The following LRRC23 variants were observed in gnomAD, a reference collection of about 807,000 sequenced individuals.
LRRC23 encodes leucine-rich repeat-containing protein 23.
Under a neutral mutation model 37.7 loss-of-function variants are expected in LRRC23, and 28 were observed. The observed-to-expected ratio is 0.74, with a 90% CI of 0.55 to 1.02. The LOEUF is 1.02. LRRC23 is among the 50% of genes least tolerant of loss of function. The probability of loss-of-function intolerance (pLI) is 0.00; values close to 1 mark genes in which losing one functional copy is unlikely to be tolerated. For missense variants in LRRC23, 377 were observed against 413.2 expected (o/e 0.91, Z 0.76); for synonymous variants, 161 against 165.4 (o/e 0.97, Z 0.20).
At chr12:6,912,090 A>C (rs782349227) in intron 6 of LRRC23, among the ~76,000 whole-genome samples, 1 of 152,302 alleles carries the variant, frequency 6.6e-6, no homozygotes, top group South Asian at 2.1e-4. Context: ...GCTCCAACCC[A>C]TCCATAGCCT....
chr12:6,907,255 C>T, intron 4 of LRRC23, 60 bp from the exon 5 acceptor site: 2 of 1,594,802 alleles, frequency 1.3e-6, no homozygotes, highest in Middle Eastern at 2.1e-4. Context: ...TCCCCAAATT[C>T]AGGCTCTAAT....
intron 5 of LRRC23, among the ~76,000 whole-genome samples, chr12:6,908,824 A>G (rs1182905134): frequency 2.0e-5 from 1 of 50,050 alleles, no homozygotes; most frequent in Non-Finnish European, 3.1e-5. Flanking sequence ...ACTCTGTTTC[A>G]AAAAAAAAAA....
rs782578940 is a variant in LRRC23 at position 6,913,306 on chromosome 12, G to C, written c.*24+279G>C. 6.3e-4 allele frequency: 262 copies of C among 414,446 alleles called. 1 individual carries two copies. The highest frequency in any genetic ancestry group is 3.2e-3 in the Admixed American group (81 of 25,530). 25.7% of individuals were successfully genotyped at this position (414,446 alleles called of 1,614,324 possible). On this transcript the variant is annotated intron_variant, in intron 7 of 7. Transcript: ENST00000443597. Reference sequence around the variant, plus strand: ...GGGTGGGGCAGCCATACCTGACACAGAGTGAAGTCGGCTAGGAAAGGACAG... The same window carrying C: ...GGGTGGGGCAGCCATACCTGACACACAGTGAAGTCGGCTAGGAAAGGACAG...
chr12:6,906,840 C>A, intron 4 of LRRC23, 178 bp downstream of exon 4: 1 of 687,908 alleles, frequency 1.5e-6, no homozygotes, highest in Non-Finnish European at 2.4e-6. Context: ...TCCAATAAGA[C>A]AAGGAACGTC....
chr12:6,905,894 T>C lies in LRRC23; in HGVS notation c.176T>C (p.Leu59Pro). The C allele has an allele frequency of 6.2e-7, 1 of 1,614,080 alleles. No homozygotes were observed. The highest frequency in any genetic ancestry group is 8.5e-7 in the Non-Finnish European group (1 of 1,180,000). Reference protein sequence around the residue: ...TEDMMKEGLSLLCKTGNGLAH... With the variant: ...TEDMMKEGLSPLCKTGNGLAH... ...GACATGATGAAGGAAGGGCTTTCTC[T>C]GCTCTGTAAGACAGGCAATGGGCTG... The change falls in exon 3 of 8, where the codon CTG (leucine) becomes CCG (proline). Residue 59 changes from leucine (L) to proline (P), a missense_variant. Leu to Pro is a moderately conservative substitution (Grantham distance 98). Coordinates refer to ENST00000443597, the MANE Select transcript of LRRC23 (RefSeq NM_001135217.2).
At chr12:6,911,202 G>A (rs981724533) in intron 6 of LRRC23, among the ~76,000 whole-genome samples, 1 of 152,120 alleles carries the variant, frequency 6.6e-6, no homozygotes, top group African/African-American at 2.4e-5. Flanking sequence ...AACTCTTGTC[G>A]GATGGAGGAC....
In LRRC23 at chr12:6,906,550, A is replaced by T. The variant is rs1555139632; in HGVS notation, c.378A>T (p.Arg126=). 6.2e-7 allele frequency: 1 copy of T among 1,614,214 alleles called. No individual in the cohort carries two copies. ...LWLKADGNRL[R]SAQMNELPYL... is the part of the protein sequence containing the mutation. ...TCAAGGCTGATGGCAATCGGCTGCGAAGTGCCCAGATGAATGAACTGCCCT... is the reference window on the plus strand; with the variant it reads ...TCAAGGCTGATGGCAATCGGCTGCGTAGTGCCCAGATGAATGAACTGCCCT... Residue 126 remains arginine, a synonymous_variant, in exon 4 of 8, where the codon CGA becomes CGT. Coordinates refer to ENST00000443597, the MANE Select transcript of LRRC23 (RefSeq NM_001135217.2).
chr12:6,908,332 C>T (rs1426323516), intron 5 of LRRC23, among the ~76,000 whole-genome samples: 1 of 152,032 alleles, frequency 6.6e-6, no homozygotes, highest in Non-Finnish European at 1.5e-5. Flanking sequence ...CGCGGTGGCT[C>T]ATGTCTGTAA....
chr12:6,908,607 AAAAAAAAAAAAAACC>A (rs1481473911), intron 5 of LRRC23, among the ~76,000 whole-genome samples: 1 of 120,852 alleles, frequency 8.3e-6, no homozygotes, highest in East Asian at 2.2e-4. Flanking sequence ...AAAAAAAAAA[AAAAAAAAAAAAAACC>A]AAAGAAAAAC....
In LRRC23 at chr12:6,912,989, C is replaced by T. The variant is rs374918334; in HGVS notation, c.1018C>T (p.Gln340Ter). The change falls in exon 7 of 8, where the codon CAG becomes TAG. Residue 340 changes from glutamine to a stop codon, truncating the protein, a stop_gained. Coordinates refer to ENST00000443597, the MANE Select transcript of LRRC23 (RefSeq NM_001135217.2). LOFTEE classifies it high-confidence loss of function. ...PEPQRDLEPE[Q>*]SLI ...GCCCCAGCGTGACCTGGAACCCGAA[C>T]AGTCATTGATCTAGCAGCAGTTCTA... 6 of 1,613,926 alleles carry T rather than the reference C, an allele frequency of 3.7e-6. No individual in the cohort carries two copies. The African/African-American group carries it at 6.7e-5, about 18-fold the overall frequency.
intron 6 of LRRC23, among the ~76,000 whole-genome samples, chr12:6,912,285 A>G (rs1160316988): frequency 6.6e-6 from 1 of 152,130 alleles, no homozygotes; most frequent in Non-Finnish European, 1.5e-5. Context: ...AGCAAGGACT[A>G]CAGGTGTATG....
Position 6,905,457 on chromosome 12 carries a change from T to C in LRRC23, c.-49-128T>C, listed in dbSNP as rs144306236. 8.4e-5 allele frequency: 50 copies of C among 597,364 alleles called. 1 individual carries two copies. Among genetic ancestry groups the C allele is most frequent in the Admixed American group, 1.7e-4 (6 of 35,526 alleles). The allele number at this position is 597,364 out of a possible 1,614,324, so 37.0% of individuals were successfully genotyped here. A position where few individuals can be genotyped will look rare whatever the true frequency, so the allele number is the denominator to read the frequency against. ...GGGAGTTGAGAATCAAAATGAGATG[T>C]TCACAGGGATAAGGAAAGAAGCCTA... is the stretch of plus-strand genomic sequence containing the variant. On this transcript the variant is annotated intron_variant, in intron 1 of 7. Transcript: ENST00000443597.
In LRRC23 at chr12:6,905,597, G is replaced by A. The variant is rs1591634742; in HGVS notation, c.-37G>A. The A allele has an allele frequency of 3.7e-6, 6 of 1,612,160 alleles. No individual in the cohort carries two copies. The highest frequency in any genetic ancestry group is 1.7e-4 in the Middle Eastern group (1 of 6,060). ...CCTTCTTTTTCAGGAGGAGGACTGA[G>A]CTTATCTGACTCCAGAGCTTTCAGG... On this transcript the variant is annotated 5_prime_UTR_variant, in exon 2 of 8. Transcript: ENST00000443597.
At chr12:6,908,681 G>A (rs1158303604) in intron 5 of LRRC23, among the ~76,000 whole-genome samples, 3 of 146,712 alleles carry the variant, frequency 2.0e-5, no homozygotes, top group African/African-American at 7.6e-5. Flanking sequence ...AAAATTAGCT[G>A]CGTGTGGTGG....
chr12:6,914,038 C>G lies in LRRC23; in HGVS notation c.*172C>G. Reference sequence around the variant, plus strand: ...CCAGGATCTGCTCTGTGCCGGTCCTCTGGGCAGTGTGGGGTGCAGAATGGG... The same window carrying G: ...CCAGGATCTGCTCTGTGCCGGTCCTGTGGGCAGTGTGGGGTGCAGAATGGG... On this transcript the variant is annotated 3_prime_UTR_variant, in exon 8 of 8. Coordinates refer to ENST00000443597, the MANE Select transcript of LRRC23 (RefSeq NM_001135217.2). This position sits in a 1 kb window ranked among gnomAD's most constrained non-coding sequence, Gnocchi z 7.1. 1 of 1,608,150 alleles carries G rather than the reference C, an allele frequency of 6.2e-7. No individual in the cohort carries two copies. The highest frequency in any genetic ancestry group is 1.3e-5 in the African/African-American group (1 of 74,688).
chr12:6,906,421 C>T lies in LRRC23; in HGVS notation c.249C>T (p.Asp83=). The T allele has an allele frequency of 6.2e-7, 1 of 1,613,916 alleles. No individual in the cohort carries two copies. The highest frequency in any genetic ancestry group is 8.5e-7 in the Non-Finnish European group (1 of 1,179,958). The part of the protein sequence containing the change: ...KLEVKERDLT[D]IYLLRSYIHL... ...TTCCATCTCCTAGGGACCTGACAGA[C>T]ATCTACTTGCTGCGCTCCTACATCC... Residue 83 remains aspartate (D), a synonymous_variant, in exon 4 of 8, where the codon GAC becomes GAT. Coordinates refer to ENST00000443597, the MANE Select transcript of LRRC23 (RefSeq NM_001135217.2).
rs1248085636 is a variant in LRRC23, at chr12:6,913,551, G to GTTTTTTTTTTTTTTT, written c.*25-337_*25-336insTTTTTTTTTTTTTTT. 1.3e-3 allele frequency among the ~76,000 whole-genome samples: 100 copies of GTTTTTTTTTTTTTTT among 78,166 alleles called. 33 individuals are homozygous for GTTTTTTTTTTTTTTT. The highest frequency in any genetic ancestry group is 4.3e-3 in the African/African-American group (85 of 19,542). The allele number at this position is 78,166 out of a possible 152,430, so 51.3% of individuals were successfully genotyped here. A position where few individuals can be genotyped will look rare whatever the true frequency, so the allele number is the denominator to read the frequency against. On this transcript the variant is annotated intron_variant, in intron 7 of 7. Transcript: ENST00000443597. ...TAGGGGAGAGGCTTTATTTACCTCT[G>GTTTTTTTTTTTTTTT]TTTGTTTTTTTTTTTTTTTTTTTTT...
Position 6,905,764 on chromosome 12 carries a change from G to C in LRRC23, c.126+5G>C, listed in dbSNP as rs1555139388. On this transcript the variant is annotated splice_donor_5th_base_variant and intron_variant, in intron 2 of 7. Coordinates refer to ENST00000443597, the MANE Select transcript of LRRC23 (RefSeq NM_001135217.2). ...GGGGAAGAGTTCCCTGAGGAAGTGAGAGCCTGGACAAGGAGGGGTCCTAGG... is the reference window on the plus strand; with the variant it reads ...GGGGAAGAGTTCCCTGAGGAAGTGACAGCCTGGACAAGGAGGGGTCCTAGG... The C allele has an allele frequency of 9.9e-6, 16 of 1,611,844 alleles. No homozygotes were observed. The highest frequency in any genetic ancestry group is 1.4e-5 in the Non-Finnish European group (16 of 1,178,724).
chr12:6,910,154 T>C, intron 6 of LRRC23, 128 bp downstream of exon 6: 2 of 882,586 alleles, frequency 2.3e-6, no homozygotes, highest in Non-Finnish European at 3.4e-6. Flanking sequence ...AAGCCCGGCT[T>C]TCCTTCCTTT....
Sources: allele counts gnomAD v4.1 joint callset (sites outside exome capture counted in the v4.1 genomes callset), GRCh38; gene constraint gnomAD v4.1.1; non-coding constraint Gnocchi (gnomAD v3.1); transcripts MANE v1.5; gene names NCBI Gene and HGNC (gene_info 2026-07-23, HGNC 2026-07-21).